PTPRA: variants seen among roughly 807,000 people sequenced by gnomAD.
The protein encoded by PTPRA is receptor-type tyrosine-protein phosphatase alpha.
A neutral mutation model predicts 104.8 loss-of-function variants in PTPRA; 25 were observed. The observed-to-expected ratio is 0.24, with a 90% confidence interval of 0.17 to 0.33. The LOEUF (loss-of-function observed/expected upper bound fraction) is 0.33. Among genes scored for constraint, PTPRA ranks in the 10% least tolerant of loss-of-function variants. The probability of loss-of-function intolerance (pLI) is 1.00; values close to 1 mark genes in which losing one functional copy is unlikely to be tolerated. For missense variants in PTPRA, 765 were observed against 1,015.3 expected (o/e 0.75, Z 3.35); for synonymous variants, 323 against 368.9 (o/e 0.88, Z 1.43).
rs1182622692 is a variant in PTPRA, at chr20:3,035,239, A to G, written c.1921-346A>G. 2.6e-5 allele frequency among the ~76,000 whole-genome samples: 4 copies of G among 152,162 alleles called. No individual in the cohort carries two copies. Among genetic ancestry groups the G allele is most frequent in the Non-Finnish European group, 5.9e-5 (4 of 68,032 alleles). ...CTGAATTAGCAGTCTGGCGGATGTAAGCAGCATTAAATATGAAAACACCCC... is the reference window on the plus strand; with the variant it reads ...CTGAATTAGCAGTCTGGCGGATGTAGGCAGCATTAAATATGAAAACACCCC... On this transcript the variant is annotated intron_variant, in intron 20 of 23. Transcript: ENST00000399903. The surrounding 1 kb of genome is among the most constrained non-coding windows in gnomAD (Gnocchi z 5.8).
intron 6 of PTPRA, among the ~76,000 whole-genome samples, chr20:2,982,165 A>G (rs2148089548): frequency 6.9e-6 from 1 of 145,570 alleles, no homozygotes; most frequent in South Asian, 2.2e-4. Flanking sequence ...ATCTTGGCTC[A>G]CTGAAACCTC....
intron 11 of PTPRA, among the ~76,000 whole-genome samples, chr20:3,013,489 T>C (rs2064282086): frequency 6.6e-6 from 1 of 151,740 alleles, no homozygotes; most frequent in Admixed American, 6.6e-5. Flanking sequence ...GCGATCTCAC[T>C]ACAACCTCTG....
chr20:2,963,340 G>T (rs1351955514), intron 3 of PTPRA, among the ~76,000 whole-genome samples: 1 of 152,082 alleles, frequency 6.6e-6, no homozygotes, highest in Admixed American at 6.6e-5. Context: ...GATGACTCAC[G>T]CCTGTAATCC....
At chr20:2,986,628 TC>T in intron 6 of PTPRA, 136 bp from the exon 7 acceptor site, 1 of 751,880 alleles carries the variant, frequency 1.3e-6, no homozygotes, top group Non-Finnish European at 2.3e-6. Flanking sequence ...ACTCATACTT[TC>T]TTCTCTGTTT....
intron 1 of PTPRA, among the ~76,000 whole-genome samples, chr20:2,896,822 A>G (rs754593675): frequency 3.9e-5 from 6 of 152,106 alleles, no homozygotes; most frequent in Non-Finnish European, 7.4e-5. Context: ...CCCTTCACTT[A>G]TTTCTGATTC....
chr20:2,871,398 C>T (rs902202685), upstream of PTPRA, among the ~76,000 whole-genome samples: 5 of 152,040 alleles, frequency 3.3e-5, no homozygotes, highest in Admixed American at 1.3e-4. Context: ...TGGTCATATC[C>T]AAAAGGGGTC....
rs140958155 is a variant in PTPRA at position 3,008,230 on chromosome 20, C to T, written c.906+810C>T. 3.2e-3 allele frequency among the ~76,000 whole-genome samples: 493 copies of T among 152,226 alleles called. 4 individuals carry two copies. Among genetic ancestry groups the T allele is most frequent in the African/African-American group, 0.011 (465 of 41,542 alleles). On this transcript the variant is annotated intron_variant, in intron 11 of 23. Transcript: ENST00000399903. ...TGGGAGCACTCCAAGTGTCCATTGA[C>T]GGATGAGTGAATAAATTAAATGTGG...
intron 1 of PTPRA, among the ~76,000 whole-genome samples, chr20:2,877,656 A>T (rs1277845400): frequency 6.6e-6 from 1 of 152,198 alleles, no homozygotes; most frequent in Non-Finnish European, 1.5e-5. Flanking sequence ...ATAGCCCAAC[A>T]TTAAAATTTA....
At chr20:2,891,007 A>ACTGACT (rs1194145514) in intron 1 of PTPRA, among the ~76,000 whole-genome samples, 1 of 152,166 alleles carries the variant, frequency 6.6e-6, no homozygotes, top group African/African-American at 2.4e-5. Context: ...CAGTCTCAGA[A>ACTGACT]CTGACTCATC....
chr20:2,913,687 C>T (rs2059800873), intron 1 of PTPRA, among the ~76,000 whole-genome samples: 1 of 152,156 alleles, frequency 6.6e-6, no homozygotes, highest in Admixed American at 6.6e-5. Flanking sequence ...CATCCAGGTA[C>T]TACATAATTT....
At chr20:2,882,138 T>G (rs1346675075) in intron 1 of PTPRA, among the ~76,000 whole-genome samples, 1 of 152,192 alleles carries the variant, frequency 6.6e-6, no homozygotes, top group Non-Finnish European at 1.5e-5. Flanking sequence ...AAAATACTGT[T>G]GGAAGATGTA....
intron 20 of PTPRA, among the ~76,000 whole-genome samples, chr20:3,031,354 T>C (rs1457200014): frequency 1.3e-5 from 2 of 151,722 alleles, no homozygotes; most frequent in Non-Finnish European, 2.9e-5. Context: ...CACACAAATC[T>C]GAGATGAAAC....
At chr20:2,868,228 T>G in the PTPRA span, among the ~76,000 whole-genome samples, 1 of 151,544 alleles carries the variant, frequency 6.6e-6, no homozygotes, top group Non-Finnish European at 1.5e-5. Flanking sequence ...GGAAGTTACG[T>G]GGTGTCACAT....
At chr20:2,905,305 A>T (rs969521887) in intron 1 of PTPRA, among the ~76,000 whole-genome samples, 4 of 152,218 alleles carry the variant, frequency 2.6e-5, no homozygotes, top group Admixed American at 6.5e-5. Flanking sequence ...ATATAATCAA[A>T]TTACAGAAAT....
At chr20:2,915,962 A>C (rs2059889473) in intron 1 of PTPRA, among the ~76,000 whole-genome samples, 1 of 152,018 alleles carries the variant, frequency 6.6e-6, no homozygotes, top group South Asian at 2.1e-4. Flanking sequence ...CCACAGAGCG[A>C]AACTATGTTT....
chr20:3,018,227 T>C (rs1230770491), intron 13 of PTPRA, among the ~76,000 whole-genome samples: 1 of 151,928 alleles, frequency 6.6e-6, no homozygotes, highest in Non-Finnish European at 1.5e-5. Flanking sequence ...TTTTGTTTTG[T>C]TTTGTTTTGT....
chr20:2,921,692 A>T (rs569486160), intron 1 of PTPRA, among the ~76,000 whole-genome samples: 108 of 152,128 alleles, frequency 7.1e-4, no homozygotes, highest in Non-Finnish European at 1.3e-3. Context: ...ATGGGGTTGG[A>T]GGGGCAAAGG....
chr20:2,958,009 T>C (rs1431433382), intron 3 of PTPRA, among the ~76,000 whole-genome samples: 1 of 152,126 alleles, frequency 6.6e-6, no homozygotes, highest in Non-Finnish European at 1.5e-5. Flanking sequence ...GTTTGGGATT[T>C]TTCTTTCCAT....
intron 1 of PTPRA, among the ~76,000 whole-genome samples, chr20:2,884,670 T>C (rs1055108299): frequency 4.6e-5 from 7 of 152,200 alleles, no homozygotes; most frequent in Non-Finnish European, 1.0e-4. Context: ...ATAAGTCCCA[T>C]ATCAGATATA....
Sources: gnomAD v4.1 joint callset for allele counts (sites outside exome capture counted in the v4.1 genomes callset) on GRCh38, gnomAD v4.1.1 for gene constraint, Gnocchi (gnomAD v3.1) non-coding constraint, MANE v1.5 for transcripts, NCBI Gene and HGNC (gene_info 2026-07-23, HGNC 2026-07-21) for gene names.